Variants in FAHD1 observed in about 807,000 individuals in gnomAD.
The protein encoded by FAHD1 is FAH domain containing oxaloacetate decarboxylase 1, also known as oxaloacetate tautomerase FAHD1, mitochondrial.
Under a neutral mutation model 12.7 loss-of-function variants are expected in FAHD1, and 14 were observed. The observed-to-expected ratio is 1.10, with a 90% CI of 0.73 to 1.72. The LOEUF is 1.72. FAHD1 is among the 40% of genes most tolerant of loss of function. The pLI is 0.00. For synonymous variants in FAHD1, 153 were observed against 124.9 expected (o/e 1.22, Z -1.50); for missense variants, 351 against 298.9 (o/e 1.17, Z -1.29).
At chr16:1,835,229 G>C (rs1357023060) in intron 1 of FAHD1, among the ~76,000 whole-genome samples, 1 of 151,554 alleles carries the variant, frequency 6.6e-6, no homozygotes, top group African/African-American at 2.4e-5. Context: ...GCTCCAGCCT[G>C]TGTGACAGAG....
chr16:1,839,154 A>G lies in FAHD1; in HGVS notation c.*9-108A>G, dbSNP rs1394137214. 5.1e-6 allele frequency: 7 copies of G among 1,360,262 alleles called. No homozygotes were observed. The South Asian group carries it at 6.5e-5, about 13-fold the overall frequency. The allele number at this position is 1,360,262 out of a possible 1,614,324, so 84.3% of individuals were successfully genotyped here. On this transcript the variant is annotated intron_variant, in intron 2 of 2. Coordinates refer to the FAHD1 transcript ENST00000382666. ...TTTTTCCCAGGCTGTTTATTAGTGAATCAATTTCTATCAAATGTTTGACAA... is the reference window on the plus strand; with the variant it reads ...TTTTTCCCAGGCTGTTTATTAGTGAGTCAATTTCTATCAAATGTTTGACAA...
exon 1 of FAHD1, chr16:1,827,880 T>G: frequency 6.2e-7 from 1 of 1,613,492 alleles, no homozygotes. Flanking sequence ...GTATGACATT[T>G]AAAGTGGAAA....
exon 3 of FAHD1, chr16:1,839,271 T>A: frequency 6.2e-7 from 1 of 1,608,962 alleles, no homozygotes; most frequent in Non-Finnish European, 8.5e-7. Flanking sequence ...GCCCAAAGTC[T>A]CCTCAGCAAC....
Position 1,838,189 on chromosome 16 carries a change from A to G in FAHD1, c.*8+55A>G. 8.4e-6 allele frequency: 4 copies of G among 474,966 alleles called. No homozygotes were observed. The East Asian group carries it at 1.3e-4, about 15-fold the overall frequency. The allele number at this position is 474,966 out of a possible 1,614,324, so 29.4% of individuals were successfully genotyped here. On this transcript the variant is annotated intron_variant, in intron 2 of 2. Transcript: ENST00000382666. ...TTTATGTTTTATGTTTTGTAGAGAC[A>G]GGGTCTCACTATGTTGCCCAGGGTG...
At chr16:1,831,257 A>G (rs1898616358), downstream of FAHD1, among the ~76,000 whole-genome samples, 3 of 152,188 alleles carry the variant, frequency 2.0e-5, no homozygotes, top group Admixed American at 6.6e-5. Flanking sequence ...TGTATCTCAG[A>G]TCATGTACCC....
chr16:1,833,553 A>C (rs111486214), downstream of FAHD1, among the ~76,000 whole-genome samples: 3,320 of 98,994 alleles, frequency 0.034, 96 homozygotes, highest in Non-Finnish European at 0.04. Context: ...CTTTAGAGGT[A>C]CTTTTTTTTT....
At chr16:1,829,851 C>CT (rs57402569), downstream of FAHD1, among the ~76,000 whole-genome samples, 20 of 149,328 alleles carry the variant, frequency 1.3e-4, 1 homozygote, top group South Asian at 6.5e-4. Context: ...ATACAATTTT[C>CT]TTTTTTTTCT....
chr16:1,839,751 G>T, exon 3 of FAHD1: 1 of 269,774 alleles, frequency 3.7e-6, no homozygotes, highest in Non-Finnish European at 7.1e-6. Context: ...ATCCCAGCCT[G>T]CAGCCTTTCT....
downstream of FAHD1, among the ~76,000 whole-genome samples, chr16:1,829,203 G>A (rs1310315887): frequency 6.6e-6 from 1 of 152,194 alleles, no homozygotes; most frequent in Non-Finnish European, 1.5e-5. Flanking sequence ...TTCGGCAGGG[G>A]TTCCTGTTCG....
downstream of FAHD1, among the ~76,000 whole-genome samples, chr16:1,832,178 C>CTTTTTTTTTTTTTT (rs57889123): frequency 9.2e-6 from 1 of 108,836 alleles, no homozygotes; most frequent in Admixed American, 1.1e-4. Flanking sequence ...TATGGTCATT[C>CTTTTTTTTTTTTTT]TTTTTTTTTT....
chr16:1,838,081 C>T lies in FAHD1; in HGVS notation c.693C>T (p.Leu231=), dbSNP rs552182711. 8.7e-5 allele frequency: 77 copies of T among 884,758 alleles called. No homozygotes were observed. In the East Asian group the frequency reaches 2.0e-3, roughly 23 times the overall value. The allele number at this position is 884,758 out of a possible 1,614,324, so 54.8% of individuals were successfully genotyped here. A position where few individuals can be genotyped will look rare whatever the true frequency, so the allele number is the denominator to read the frequency against. Residue 231 remains leucine, a synonymous_variant, in exon 2 of 3, where the codon CTC becomes CTT. Transcript: ENST00000382666. ...GTGCTATCACAGCTCACTGCAGCCTCGAACTCCCGGGGTCAAGCAATCCTC... is the reference window on the plus strand; with the variant it reads ...GTGCTATCACAGCTCACTGCAGCCTTGAACTCCCGGGGTCAAGCAATCCTC...
At chr16:1,829,046 TG>T, downstream of FAHD1, 4 of 453,004 alleles carry the variant, frequency 8.8e-6, no homozygotes, top group Non-Finnish European at 1.2e-5. Flanking sequence ...AATCAGCAAC[TG>T]TACTTCCCAA....
At chr16:1,829,867 TC>T (rs1464180466), downstream of FAHD1, among the ~76,000 whole-genome samples, 2 of 137,212 alleles carry the variant, frequency 1.5e-5, no homozygotes, top group African/African-American at 5.2e-5. Flanking sequence ...TTTCTTTCTT[TC>T]TTTTTTCTTT....
chr16:1,838,535 AAGG>A (rs1246928440), intron 2 of FAHD1, among the ~76,000 whole-genome samples: 2 of 152,180 alleles, frequency 1.3e-5, no homozygotes, highest in Non-Finnish European at 2.9e-5. Flanking sequence ...GCTGCAAATC[AAGG>A]AGAAAACGTG....
chr16:1,830,197 G>A (rs948331522), downstream of FAHD1, among the ~76,000 whole-genome samples: 6 of 152,234 alleles, frequency 3.9e-5, no homozygotes, highest in Non-Finnish European at 5.9e-5. Context: ...TTATTTCACT[G>A]TATATTGTGA....
At chr16:1,839,395 T>C (rs200721888) in exon 3 of FAHD1, 1 of 1,613,952 alleles carries the variant, frequency 6.2e-7, no homozygotes, top group East Asian at 2.2e-5. Context: ...TTGCAAGTTG[T>C]GCACATGTTA....
At chr16:1,830,869 C>T (rs2142065297), downstream of FAHD1, among the ~76,000 whole-genome samples, 1 of 151,736 alleles carries the variant, frequency 6.6e-6, no homozygotes, top group Non-Finnish European at 1.5e-5. Flanking sequence ...CTCCCTTCCT[C>T]CCCGCCATAT....
At chr16:1,830,335 T>C (rs1430993779), downstream of FAHD1, among the ~76,000 whole-genome samples, 3 of 152,256 alleles carry the variant, frequency 2.0e-5, no homozygotes, top group African/African-American at 7.2e-5. Flanking sequence ...TATCAGCACA[T>C]GTGCTGTTTT....
chr16:1,839,555 T>C (rs1898843870), exon 3 of FAHD1: 1 of 885,920 alleles, frequency 1.1e-6, no homozygotes. Flanking sequence ...ACTTACTGAG[T>C]GTTCAGTGCT....
Sources: allele counts gnomAD v4.1 joint callset (sites outside exome capture counted in the v4.1 genomes callset), GRCh38; gene constraint gnomAD v4.1.1; transcripts MANE v1.5; gene names NCBI Gene and HGNC (gene_info 2026-07-23, HGNC 2026-07-21).